The following GFI1 variants were observed in gnomAD, a reference collection of about 807,000 sequenced individuals.
GFI1 encodes growth factor independent 1 transcriptional repressor.
A neutral mutation model predicts 39.2 loss-of-function variants in GFI1; 15 were observed. That is an observed-to-expected ratio of 0.38 (90% CI 0.26 to 0.59). The LOEUF (loss-of-function observed/expected upper bound fraction) is 0.59, where lower values mean the gene tolerates loss of function less well. GFI1 is among the 20% of genes least tolerant of loss of function. GFI1 has a pLI of 0.62. For synonymous variants in GFI1, 239 were observed against 254.3 expected (o/e 0.94, Z 0.57); for missense variants, 475 against 574.0 (o/e 0.83, Z 1.76).
In GFI1 at chr1:92,475,500, C is replaced by A. The variant is rs537257874; in HGVS notation, c.*529G>T. 26 of 165,584 alleles carry A rather than the reference C, an allele frequency of 1.6e-4. No homozygotes were observed. The highest frequency in any genetic ancestry group is 3.2e-4 in the Non-Finnish European group (24 of 75,380). 10.3% of individuals were successfully genotyped at this position (165,584 alleles called of 1,614,324 possible). ...TGATTCCTCCAAGATTTATAGGCAG[C>A]ACCCAAAAGAAAGGAGTCAACAGAC... is the stretch of plus-strand genomic sequence containing the variant. On this transcript the variant is annotated 3_prime_UTR_variant, in exon 7 of 7. Transcript: ENST00000294702.
At chr1:92,477,708 C>A (rs1455414270) in intron 6 of GFI1, among the ~76,000 whole-genome samples, 1 of 152,014 alleles carries the variant, frequency 6.6e-6, no homozygotes, top group Non-Finnish European at 1.5e-5. Context: ...GCTCCTTCTA[C>A]TTTCTTGAGT....
intron 6 of GFI1, among the ~76,000 whole-genome samples, chr1:92,477,668 CTCTT>C (rs1658033850): frequency 6.6e-6 from 1 of 152,246 alleles, no homozygotes; most frequent in Non-Finnish European, 1.5e-5. Flanking sequence ...AAATCATTCA[CTCTT>C]TCTGAGTTTC....
chr1:92,481,952 T>TGCGCGCGG lies in GFI1; in HGVS notation c.299-865_299-864insCCGCGCGC, dbSNP rs1553163125. Among the ~76,000 whole-genome samples the TGCGCGCGG allele has an allele frequency of 1.3e-5, 2 of 148,802 alleles. No individual in the cohort carries two copies. Among genetic ancestry groups the TGCGCGCGG allele is most frequent in the Non-Finnish European group, 3.0e-5 (2 of 67,580 alleles). On this transcript the variant is annotated intron_variant, in intron 3 of 6. Coordinates refer to ENST00000294702, the MANE Select transcript of GFI1 (RefSeq NM_005263.5). The surrounding 1 kb of genome is among the most constrained non-coding windows in gnomAD (Gnocchi z 4.3). ...ATTTACAAATGTGTGTGTGTGTGTG[T>TGCGCGCGG]GCGCACAACACTCCAGTTCAGGCTG...
chr1:92,480,413 C>G lies in GFI1; in HGVS notation c.859G>C (p.Glu287Gln). The change falls in exon 5 of 7, where the codon GAG becomes CAG. Residue 287 changes from glutamate to glutamine, a missense_variant. Glu to Gln is a conservative substitution (Grantham distance 29). Around this residue, in one of 4 missense-constraint regions of GFI1, gnomAD observed 112 missense variants for 202.8 expected, o/e 0.55. Transcript: ENST00000294702. This position sits in a 1 kb window ranked among gnomAD's most constrained non-coding sequence, Gnocchi z 5.6. ...SHSGTRPFAC[E>Q]MCGKTFGHAV... ...TGCCCGAAGGTCTTGCCGCACATCT[C>G]GCAGGCAAAGGGTCTGGTACCGCTG... is the stretch of plus-strand genomic sequence containing the variant. The G allele has an allele frequency of 6.4e-7, 1 of 1,550,442 alleles. No individual in the cohort carries two copies. The highest frequency in any genetic ancestry group is 8.7e-7 in the Non-Finnish European group (1 of 1,146,676).
Position 92,478,649 on chromosome 1 carries a change from C to T in GFI1, c.1029G>A (p.Gln343=), listed in dbSNP as rs779282255. The T allele has an allele frequency of 1.5e-5, 24 of 1,613,968 alleles. No homozygotes were observed. The East Asian group carries it at 5.1e-4, about 34-fold the overall frequency. The change falls in exon 6 of 7, where the codon CAG becomes CAA. Residue 343 remains glutamine, a synonymous_variant. Coordinates refer to ENST00000294702, the MANE Select transcript of GFI1 (RefSeq NM_005263.5). ...IHSDTRPYPC[Q]YCGKRFHQKS... The stretch of plus-strand genomic sequence containing the variant: ...TCTGGTGGAACCTCTTGCCACAGTA[C>T]TGACAGGGGTAGGGCCGAGTGTCTG...
Position 92,473,056 on chromosome 1 carries a change from T to C in GFI1, c.*2973A>G, listed in dbSNP as rs918036719. 6.6e-6 allele frequency among the ~76,000 whole-genome samples: 1 copy of C among 152,172 alleles called. No homozygotes were observed. Among genetic ancestry groups the C allele is most frequent in the Non-Finnish European group, 1.5e-5 (1 of 68,028 alleles). ...TGTGACATGGAATATTCACAATCTATTTTTAATGGAGTCAAGTAATAACAT... is the reference window on the plus strand; with the variant it reads ...TGTGACATGGAATATTCACAATCTACTTTTAATGGAGTCAAGTAATAACAT... On this transcript the variant is annotated 3_prime_UTR_variant, in exon 7 of 7. Coordinates refer to ENST00000294702, the MANE Select transcript of GFI1 (RefSeq NM_005263.5).
In GFI1 at chr1:92,475,653, G is replaced by A; in HGVS notation, c.*376C>T. 1 of 302,036 alleles carries A rather than the reference G, an allele frequency of 3.3e-6. No homozygotes were observed. Among genetic ancestry groups the A allele is most frequent in the Non-Finnish European group, 6.4e-6 (1 of 155,462 alleles). The allele number at this position is 302,036 out of a possible 1,614,324, so 18.7% of individuals were successfully genotyped here. On this transcript the variant is annotated 3_prime_UTR_variant, in exon 7 of 7. Transcript: ENST00000294702. ...AAATATCTGGGGTAGGTCAAGAGGG[G>A]GGAGGGAAGAAACCTGAAGGGCATT...
chr1:92,482,477 G>C lies in GFI1; in HGVS notation c.298+387C>G, dbSNP rs1658305227. 6.6e-6 allele frequency among the ~76,000 whole-genome samples: 1 copy of C among 152,160 alleles called. No individual in the cohort carries two copies. The highest frequency in any genetic ancestry group is 2.1e-4 in the South Asian group (1 of 4,830). On this transcript the variant is annotated intron_variant, in intron 3 of 6. Transcript: ENST00000294702. This position sits in a 1 kb window ranked among gnomAD's most constrained non-coding sequence, Gnocchi z 4.4. ...TCCTCTGCCTGGCCCGTTCTGCCCT[G>C]TTCTCTGTTTGAGGTTTGGGGGTCT...
rs898706631 is a variant in GFI1, at chr1:92,482,349, C to T, written c.298+515G>A. On this transcript the variant is annotated intron_variant, in intron 3 of 6. Transcript: ENST00000294702. The surrounding 1 kb of genome is among the most constrained non-coding windows in gnomAD (Gnocchi z 4.4). The stretch of plus-strand genomic sequence containing the variant: ...GCAGGCCCCTGAGGCTAGGTTAACC[C>T]GGCAAAACGAAAAATGAAACAGGCC... Among the ~76,000 whole-genome samples the T allele has an allele frequency of 6.6e-6, 1 of 152,016 alleles. No individual in the cohort carries two copies. Among genetic ancestry groups the T allele is most frequent in the African/African-American group, 2.4e-5 (1 of 41,382 alleles).
At chr1:92,477,262 C>G (rs1043660297) in intron 6 of GFI1, among the ~76,000 whole-genome samples, 10 of 152,132 alleles carry the variant, frequency 6.6e-5, no homozygotes, top group African/African-American at 1.9e-4. Context: ...TTGATAAGGG[C>G]TTAATGTTTT....
At position 92,484,587 on chromosome 1, in the gene GFI1, G is replaced by C. The variant is rs537249603; in HGVS notation, c.-99-1001C>G. ...AGAGCGCGCAGGCTGCATTAGCAGA[G>C]AGCGGGGGTCGGGCCCGGGCCCGGG... On this transcript the variant is annotated intron_variant, in intron 1 of 6. Coordinates refer to ENST00000294702, the MANE Select transcript of GFI1 (RefSeq NM_005263.5). This position sits in a 1 kb window ranked among gnomAD's most constrained non-coding sequence, Gnocchi z 4.1. 37 of 152,488 alleles carry C rather than the reference G, an allele frequency of 2.4e-4. No individual in the cohort carries two copies. Among genetic ancestry groups the C allele is most frequent in the African/African-American group, 8.4e-4 (35 of 41,582 alleles). The allele number at this position is 152,488 out of a possible 1,614,324, so 9.4% of individuals were successfully genotyped here.
rs1359225126 is a variant in GFI1, at chr1:92,480,961, A to G, written c.426T>C (p.Cys142=). The stretch of plus-strand genomic sequence containing the variant: ...GGCCAGCGCCACGCTCCAGGGCCCC[A>G]CACGGTCGGTAGCTCTGCACCAGGT... ...LRHLVQSYRP[C]GALERGAGLG... The change falls in exon 4 of 7, where the codon TGT becomes TGC. Residue 142 remains cysteine, a synonymous_variant. Coordinates refer to ENST00000294702, the MANE Select transcript of GFI1 (RefSeq NM_005263.5). This position sits in a 1 kb window ranked among gnomAD's most constrained non-coding sequence, Gnocchi z 5.6. 5 of 1,594,878 alleles carry G rather than the reference A, an allele frequency of 3.1e-6. No homozygotes were observed. The highest frequency in any genetic ancestry group is 3.4e-6 in the Non-Finnish European group (4 of 1,171,720).
chr1:92,482,759 T>C lies in GFI1; in HGVS notation c.298+105A>G. On this transcript the variant is annotated intron_variant, in intron 3 of 6. Transcript: ENST00000294702. This position sits in a 1 kb window ranked among gnomAD's most constrained non-coding sequence, Gnocchi z 4.4. ...CAGCTCCCTTCTCCCGGAAAGACTCTCCAACTCCCCGTTAGCATTTCTACG... is the reference window on the plus strand; with the variant it reads ...CAGCTCCCTTCTCCCGGAAAGACTCCCCAACTCCCCGTTAGCATTTCTACG... 2 of 893,650 alleles carry C rather than the reference T, an allele frequency of 2.2e-6. No homozygotes were observed. Among genetic ancestry groups the C allele is most frequent in the Admixed American group, 1.9e-5 (1 of 51,390 alleles). The allele number at this position is 893,650 out of a possible 1,614,324, so 55.4% of individuals were successfully genotyped here.
chr1:92,486,308 T>C (rs1658525321), intron 1 of GFI1, among the ~76,000 whole-genome samples: 2 of 151,686 alleles, frequency 1.3e-5, no homozygotes, highest in South Asian at 4.1e-4. Context: ...GTCCTCCCAG[T>C]TCTCTCCCTG....
rs1557666059 is a variant in GFI1 at position 92,476,092 on chromosome 1, C to T, written c.1206G>A (p.Gly402=). 4 of 1,614,126 alleles carry T rather than the reference C, an allele frequency of 2.5e-6. No homozygotes were observed. Among genetic ancestry groups the T allele is most frequent in the African/African-American group, 1.3e-5 (1 of 75,064 alleles). Residue 402 remains glycine, a synonymous_variant, in exon 7 of 7, where the codon GGG becomes GGA. Coordinates refer to ENST00000294702, the MANE Select transcript of GFI1 (RefSeq NM_005263.5). ...GGTCCACCTTCCTCTGGAAACCCTT[C>T]CCACAGAGGTCGCAGCCGAAGGGCT... ...GFKPFGCDLC[G]KGFQRKVDLR... is the part of the protein sequence containing the mutation.
Position 92,480,545 on chromosome 1 carries a change from C to T in GFI1, c.786+56G>A. On this transcript the variant is annotated intron_variant, in intron 4 of 6. Coordinates refer to ENST00000294702, the MANE Select transcript of GFI1 (RefSeq NM_005263.5). This position sits in a 1 kb window ranked among gnomAD's most constrained non-coding sequence, Gnocchi z 5.6. ...GAGGGGCCGCGGGGCGCAGGCGAGG[C>T]GCGGGTAGGGGAAGCGGGCGCACGG... 1.3e-6 allele frequency: 2 copies of T among 1,544,882 alleles called. No individual in the cohort carries two copies. The highest frequency in any genetic ancestry group is 2.4e-5 in the East Asian group (1 of 40,846).
At position 92,482,937 on chromosome 1, in the gene GFI1, G is replaced by T; in HGVS notation, c.225C>A (p.Cys75Ter). ...PDRASASPDS[C>*]EGSVCERSSE... ...AGCTCCGTTCGCAGACGCTGCCTTC[G>T]CAGCTGTCTGGGGATGCGGAGGCTC... The change falls in exon 3 of 7, where the codon TGC (cysteine) becomes TGA (stop). Residue 75 changes from cysteine (C) to a stop codon, truncating the protein, a stop_gained. Transcript: ENST00000294702. LOFTEE classifies it high-confidence loss of function. This position sits in a 1 kb window ranked among gnomAD's most constrained non-coding sequence, Gnocchi z 4.4. The T allele has an allele frequency of 6.2e-7, 1 of 1,614,006 alleles. No homozygotes were observed. Among genetic ancestry groups the T allele is most frequent in the Non-Finnish European group, 8.5e-7 (1 of 1,179,940 alleles).
intron 6 of GFI1, among the ~76,000 whole-genome samples, chr1:92,477,204 A>G (rs1407450626): frequency 6.6e-6 from 1 of 152,224 alleles, no homozygotes; most frequent in Non-Finnish European, 1.5e-5. Flanking sequence ...CTATCCCTTT[A>G]GGGTCAAACA....
chr1:92,482,969 G>A lies in GFI1; in HGVS notation c.193C>T (p.Pro65Ser), dbSNP rs767133524. Residue 65 changes from proline (P) to serine (S), a missense_variant, in exon 3 of 7, where the codon CCA becomes TCA. By Grantham distance (74) the Pro-to-Ser change is moderately conservative. Around this residue, in one of 4 missense-constraint regions of GFI1, gnomAD observed 275 missense variants for 275.8 expected, o/e 1.00. Coordinates refer to ENST00000294702, the MANE Select transcript of GFI1 (RefSeq NM_005263.5). This position sits in a 1 kb window ranked among gnomAD's most constrained non-coding sequence, Gnocchi z 4.4. ...LSPESQLTEAPDRASASPDSC... is the reference protein window; with the variant it reads ...LSPESQLTEASDRASASPDSC... ...TCTGGGGATGCGGAGGCTCTGTCTG[G>A]GGCTTCGGTCAGCTGCGATTCGGGG... 2 of 1,613,226 alleles carry A rather than the reference G, an allele frequency of 1.2e-6. No individual in the cohort carries two copies. Among genetic ancestry groups the A allele is most frequent in the South Asian group, 2.2e-5 (2 of 91,076 alleles).
Sources: allele counts gnomAD v4.1 joint callset (sites outside exome capture counted in the v4.1 genomes callset), GRCh38; gene constraint gnomAD v4.1.1; regional missense constraint gnomAD v4.1.1; non-coding constraint Gnocchi (gnomAD v3.1); transcripts MANE v1.5; gene names NCBI Gene and HGNC (gene_info 2026-07-23, HGNC 2026-07-21).